Variants in SMG6 observed in about 807,000 individuals in gnomAD.
SMG6 encodes telomerase-binding protein EST1A.
SMG6 carries 66 observed loss-of-function variants against 142.2 expected under a neutral mutation model. That is an observed-to-expected ratio of 0.46 (90% CI 0.38 to 0.57). SMG6 has a LOEUF of 0.57. SMG6 is among the 20% of genes least tolerant of loss of function. SMG6 has a pLI of 0.00. For synonymous variants in SMG6, 779 were observed against 702.4 expected, an observed-to-expected ratio of 1.11 and a Z score of -1.72; for missense variants, 1,793 against 1,832.0, an observed-to-expected ratio of 0.98 and a Z score of 0.39.
At chr17:2,086,714 C>T (rs939195309) in intron 13 of SMG6, among the ~76,000 whole-genome samples, 2 of 152,186 alleles carry the variant, frequency 1.3e-5, no homozygotes, top group South Asian at 2.1e-4. Context: ...CCAGTCTGGG[C>T]CCCCCTTCTG....
chr17:2,263,114 A>G (rs2074351684), intron 8 of SMG6, among the ~76,000 whole-genome samples: 1 of 152,236 alleles, frequency 6.6e-6, no homozygotes, highest in African/African-American at 2.4e-5. Context: ...CGCCCTTTAC[A>G]CTTACTAAAG....
intron 10 of SMG6, among the ~76,000 whole-genome samples, chr17:2,217,181 T>C (rs1448623615): frequency 6.6e-6 from 1 of 152,220 alleles, no homozygotes; most frequent in Admixed American, 6.5e-5. Flanking sequence ...CCTAGTTTTA[T>C]CTAATTTCAA....
At chr17:2,159,944 T>C (rs552768859) in intron 13 of SMG6, among the ~76,000 whole-genome samples, 26 of 152,198 alleles carry the variant, frequency 1.7e-4, no homozygotes, top group Admixed American at 3.3e-4. Flanking sequence ...GTATATGAAA[T>C]TTTATAACAG....
At chr17:2,187,421 C>T (rs1220549406) in intron 11 of SMG6, among the ~76,000 whole-genome samples, 2 of 152,092 alleles carry the variant, frequency 1.3e-5, no homozygotes, top group Non-Finnish European at 2.9e-5. Context: ...TAAGTAAGGT[C>T]TGTGAATGCA....
At chr17:2,114,906 AAAAATAAAATAAAATAAAATAAAAT>A (rs71375589) in intron 13 of SMG6, among the ~76,000 whole-genome samples, 1 of 61,988 alleles carries the variant, frequency 1.6e-5, no homozygotes, top group East Asian at 2.7e-4. Context: ...CAGCCTGGGC[AAAAATAAAATAAAATAAAATAAAAT>A]AAAATAAAAT....
intron 13 of SMG6, among the ~76,000 whole-genome samples, chr17:2,105,444 G>T (rs948139822): frequency 6.6e-6 from 1 of 152,106 alleles, no homozygotes; most frequent in African/African-American, 2.4e-5. Context: ...TACCTGGGAG[G>T]CTAAGGCAGA....
At chr17:2,156,038 C>CT (rs113122170) in intron 13 of SMG6, among the ~76,000 whole-genome samples, 2,600 of 131,804 alleles carry the variant, frequency 0.02, 83 homozygotes, top group African/African-American at 0.071. Flanking sequence ...TTTTCTTTAC[C>CT]TTTTTTTTTT....
At chr17:2,162,356 TA>T in intron 13 of SMG6, among the ~76,000 whole-genome samples, 1 of 150,504 alleles carries the variant, frequency 6.6e-6, no homozygotes, top group African/African-American at 2.4e-5. Flanking sequence ...ACTAAAAATA[TA>T]AAAAAAATTA....
rs1402156417 is a variant in SMG6 at position 2,163,718 on chromosome 17, C to G, written c.3357+8940G>C. Reference sequence around the variant, plus strand: ...TTTTTTTTTTTCACGTCTTACTGTACTGACTAGGACCAACACAGACTGAAT... The same window carrying G: ...TTTTTTTTTTTCACGTCTTACTGTAGTGACTAGGACCAACACAGACTGAAT... On this transcript the variant is annotated intron_variant, in intron 13 of 18. Transcript: ENST00000263073. 7.3e-5 allele frequency among the ~76,000 whole-genome samples: 11 copies of G among 149,898 alleles called. No homozygotes were observed. The Admixed American group carries it at 7.4e-4, about 10-fold the overall frequency.
At chr17:2,300,774 G>A (rs2075263873) in intron 1 of SMG6, 110 bp from the exon 2 acceptor site, 1 of 958,686 alleles carries the variant, frequency 1.0e-6, no homozygotes, top group African/African-American at 1.6e-5. Flanking sequence ...AGTCGAGCAA[G>A]AATTACATAT....
At chr17:2,157,154 T>C (rs1386701608) in intron 13 of SMG6, among the ~76,000 whole-genome samples, 1 of 152,144 alleles carries the variant, frequency 6.6e-6, no homozygotes, top group African/African-American at 2.4e-5. Flanking sequence ...GCAGTCTTAC[T>C]CCAGACTGCA....
chr17:2,294,435 T>C lies in SMG6; in HGVS notation c.2152-1458A>G, dbSNP rs577339588. On this transcript the variant is annotated intron_variant, in intron 4 of 18. Transcript: ENST00000263073. ...AGCCTCAGCATGAAGTCCTGGACGA[T>C]TGAGCCTCTGCTTACCTCATCAGCA... 5.3e-5 allele frequency among the ~76,000 whole-genome samples: 8 copies of C among 152,344 alleles called. No individual in the cohort carries two copies. The East Asian group carries it at 1.2e-3, about 22-fold the overall frequency.
In SMG6 at chr17:2,187,619, C is replaced by T. The variant is rs139289582; in HGVS notation, c.2986+780G>A. Among the ~76,000 whole-genome samples the T allele has an allele frequency of 2.2e-4, 33 of 152,102 alleles. No individual in the cohort carries two copies. In the East Asian group the frequency reaches 6.4e-3, roughly 29 times the overall value. ...GTGTGTATGGAAAGACGAACGTAAG[C>T]CCATATGGTAAAATGTTAACTGGGG... On this transcript the variant is annotated intron_variant, in intron 11 of 18. Transcript: ENST00000263073.
intron 12 of SMG6, among the ~76,000 whole-genome samples, chr17:2,176,837 G>T (rs1186678568): frequency 1.3e-5 from 2 of 152,152 alleles, no homozygotes; most frequent in African/African-American, 2.4e-5. Flanking sequence ...CAGAACCAAG[G>T]CTCACTTGCT....
chr17:2,119,965 T>C (rs952591310), intron 13 of SMG6, among the ~76,000 whole-genome samples: 5 of 151,864 alleles, frequency 3.3e-5, no homozygotes, highest in African/African-American at 1.2e-4. Context: ...CCCGGCCATG[T>C]CCAGCTAACG....
chr17:2,124,994 A>G (rs2069825611), intron 13 of SMG6, among the ~76,000 whole-genome samples: 1 of 152,210 alleles, frequency 6.6e-6, no homozygotes, highest in Non-Finnish European at 1.5e-5. Flanking sequence ...AATAATCAGC[A>G]TCTCCATTTG....
chr17:2,181,648 C>A (rs2071809632), intron 12 of SMG6, among the ~76,000 whole-genome samples: 1 of 152,200 alleles, frequency 6.6e-6, no homozygotes, highest in Non-Finnish European at 1.5e-5. Context: ...GAAGACTAAG[C>A]AAATATGACT....
chr17:2,193,290 T>A (rs935345517), intron 10 of SMG6, among the ~76,000 whole-genome samples: 6 of 152,198 alleles, frequency 3.9e-5, no homozygotes, highest in Non-Finnish European at 8.8e-5. Flanking sequence ...CCTTTCGCCT[T>A]CTGCCATGAT....
Position 2,061,383 on chromosome 17 carries a change from G to T in SMG6, c.*109C>A. On this transcript the variant is annotated 3_prime_UTR_variant, in exon 19 of 19. Coordinates refer to ENST00000263073, the MANE Select transcript of SMG6 (RefSeq NM_017575.5). ...GTGGGTTGGAAGAGGATGGTTTATTGTCTGGGTGGATTGGTGGCTCAGGCA... is the reference window on the plus strand; with the variant it reads ...GTGGGTTGGAAGAGGATGGTTTATTTTCTGGGTGGATTGGTGGCTCAGGCA... 1.8e-6 allele frequency: 2 copies of T among 1,117,354 alleles called. No homozygotes were observed. The highest frequency in any genetic ancestry group is 2.5e-6 in the Non-Finnish European group (2 of 788,906). 69.2% of individuals were successfully genotyped at this position (1,117,354 alleles called of 1,614,324 possible).
Sources: allele counts gnomAD v4.1 joint callset (sites outside exome capture counted in the v4.1 genomes callset), GRCh38; gene constraint gnomAD v4.1.1; transcripts MANE v1.5; gene names NCBI Gene and HGNC (gene_info 2026-07-23, HGNC 2026-07-21).